NR2C2AP: variants seen among roughly 807,000 people sequenced by gnomAD.
The protein encoded by NR2C2AP is nuclear receptor 2C2 associated protein, also known as nuclear receptor 2C2-associated protein.
A neutral mutation model predicts 19.1 loss-of-function variants in NR2C2AP; 13 were observed. That is an observed-to-expected ratio of 0.68 (90% confidence interval 0.44 to 1.08). The LOEUF is 1.08. Among genes scored for constraint, NR2C2AP ranks in the 50% least tolerant of loss-of-function variants. The pLI is 0.00. For synonymous variants in NR2C2AP, 81 were observed against 64.4 expected, an observed-to-expected ratio of 1.26 and a Z score of -1.23; for missense variants, 181 against 172.7, an observed-to-expected ratio of 1.05 and a Z score of -0.27.
Position 19,201,915 on chromosome 19 carries a change from C to T in NR2C2AP, c.*10G>A. 6.2e-7 allele frequency: 1 copy of T among 1,614,104 alleles called. No individual in the cohort carries two copies. Among genetic ancestry groups the T allele is most frequent in the Non-Finnish European group, 8.5e-7 (1 of 1,180,026 alleles). On this transcript the variant is annotated 3_prime_UTR_variant, in exon 5 of 5. Coordinates refer to ENST00000331552, the MANE Select transcript of NR2C2AP (RefSeq NM_176880.6). ...GGAGGGCTTCCTGGAGGAGACAGCC[C>T]CTAGAGGTCTCACACCTTCTCCCCA...
rs1366556080 is a variant in NR2C2AP, at chr19:19,203,173, G to A, written c.-113C>T. On this transcript the variant is annotated 5_prime_UTR_variant, in exon 1 of 5. In the 5' UTR this introduces an upstream ATG that the reference lacks. Transcript: ENST00000331552. ...ATCTTGGCTACGCCTTGGCCTGAACGTCCTCACCTGTAACTTGGGACGAGA... is the reference window on the plus strand; with the variant it reads ...ATCTTGGCTACGCCTTGGCCTGAACATCCTCACCTGTAACTTGGGACGAGA... 3.9e-6 allele frequency: 4 copies of A among 1,038,500 alleles called. No individual in the cohort carries two copies. Among genetic ancestry groups the A allele is most frequent in the East Asian group, 5.2e-5 (2 of 38,708 alleles). 64.3% of individuals were successfully genotyped at this position (1,038,500 alleles called of 1,614,324 possible).
rs1245371861 is a variant in NR2C2AP, at chr19:19,202,285, C to G, written c.303+46G>C. On this transcript the variant is annotated intron_variant, in intron 4 of 4. Transcript: ENST00000331552. Reference sequence around the variant, plus strand: ...CATTCGGGTTTGGGTGAGTCCAAAGCTTCCAGAGGCACAGACCACCCACCC... The same window carrying G: ...CATTCGGGTTTGGGTGAGTCCAAAGGTTCCAGAGGCACAGACCACCCACCC... 4.4e-6 allele frequency: 7 copies of G among 1,588,252 alleles called. No homozygotes were observed. In the South Asian group the frequency reaches 7.7e-5, roughly 18 times the overall value.
At position 19,203,092 on chromosome 19, in the gene NR2C2AP, A is replaced by AT; in HGVS notation, c.-33dup. 6.2e-7 allele frequency: 1 copy of AT among 1,613,210 alleles called. No homozygotes were observed. The highest frequency in any genetic ancestry group is 8.5e-7 in the Non-Finnish European group (1 of 1,179,392). ...TCCACAAGACCTCGCAGGGCTTAGG[A>AT]TTGGGCACAGCCTTGGTTCGAATCC... On this transcript the variant is annotated 5_prime_UTR_variant, in exon 1 of 5. Coordinates refer to ENST00000331552, the MANE Select transcript of NR2C2AP (RefSeq NM_176880.6).
At position 19,203,022 on chromosome 19, in the gene NR2C2AP, C is replaced by G; in HGVS notation, c.38+1G>C. The G allele has an allele frequency of 2.5e-6, 4 of 1,614,126 alleles. No individual in the cohort carries two copies. The highest frequency in any genetic ancestry group is 3.4e-6 in the Non-Finnish European group (4 of 1,179,998). On this transcript the variant is annotated splice_donor_variant, in intron 1 of 4. Transcript: ENST00000331552. LOFTEE classifies it high-confidence loss of function. The stretch of plus-strand genomic sequence containing the variant: ...CACTGCCTGTCCCCACAGACTCTTA[C>G]CTGCTCACTGTCTCTGGACAAACCA...
At chr19:19,202,659 G>T in intron 2 of NR2C2AP, 84 bp from the exon 3 acceptor site, 1 of 1,410,574 alleles carries the variant, frequency 7.1e-7, no homozygotes, top group South Asian at 1.2e-5. Flanking sequence ...ATAGTTCTTG[G>T]AATGGAGGGG....
chr19:19,203,400 G>C lies in NR2C2AP; in HGVS notation c.-340C>G. ...CGAATAGCTCTTGGAGCCAAATCTT[G>C]GGACCCGGAACCGCGTGGGCTTGGC... is the stretch of plus-strand genomic sequence containing the variant. On this transcript the variant is annotated 5_prime_UTR_variant, in exon 1 of 5. Coordinates refer to ENST00000331552, the MANE Select transcript of NR2C2AP (RefSeq NM_176880.6). The C allele has an allele frequency of 2.4e-6, 1 of 418,284 alleles. No individual in the cohort carries two copies. Among genetic ancestry groups the C allele is most frequent in the Non-Finnish European group, 4.5e-6 (1 of 223,186 alleles). The allele number at this position is 418,284 out of a possible 1,614,324, so 25.9% of individuals were successfully genotyped here. A position where few individuals can be genotyped will look rare whatever the true frequency, so the allele number is the denominator to read the frequency against.
At chr19:19,202,233 G>A (rs778998570) in intron 4 of NR2C2AP, 98 bp downstream of exon 4, 16 of 1,280,752 alleles carry the variant, frequency 1.2e-5, no homozygotes, top group Middle Eastern at 1.9e-4. Context: ...TAGAGGTCAC[G>A]TGTTCAAGAT....
In NR2C2AP at chr19:19,203,386, T is replaced by C. The variant is rs1417235591; in HGVS notation, c.-326A>G. 9.0e-6 allele frequency: 4 copies of C among 445,152 alleles called. No individual in the cohort carries two copies. Among genetic ancestry groups the C allele is most frequent in the Admixed American group, 3.4e-5 (1 of 29,070 alleles). The allele number at this position is 445,152 out of a possible 1,614,324, so 27.6% of individuals were successfully genotyped here. A position where few individuals can be genotyped will look rare whatever the true frequency, so the allele number is the denominator to read the frequency against. ...AGGCTGTTTCTCTGCGAATAGCTCT[T>C]GGAGCCAAATCTTGGGACCCGGAAC... On this transcript the variant is annotated 5_prime_UTR_variant, in exon 1 of 5. Coordinates refer to ENST00000331552, the MANE Select transcript of NR2C2AP (RefSeq NM_176880.6).
Position 19,201,746 on chromosome 19 carries a change from T to A in NR2C2AP, c.*179A>T, listed in dbSNP as rs1288084878. 1 of 1,613,692 alleles carries A rather than the reference T, an allele frequency of 6.2e-7. No homozygotes were observed. The highest frequency in any genetic ancestry group is 8.5e-7 in the Non-Finnish European group (1 of 1,179,906). ...GGCCGCCTGCCGGGGACTCAGACAC[T>A]CAGGGAACAAAATGGTCAGCCAGAG... On this transcript the variant is annotated 3_prime_UTR_variant, in exon 5 of 5. Coordinates refer to ENST00000331552, the MANE Select transcript of NR2C2AP (RefSeq NM_176880.6).
Position 19,203,412 on chromosome 19 carries a change from C to G in NR2C2AP, c.-352G>C, listed in dbSNP as rs1012939798. ...GGAGCCAAATCTTGGGACCCGGAAC[C>G]GCGTGGGCTTGGCGCATGCGTGTTG... On this transcript the variant is annotated 5_prime_UTR_variant, in exon 1 of 5. Coordinates refer to ENST00000331552, the MANE Select transcript of NR2C2AP (RefSeq NM_176880.6). 1 of 392,630 alleles carries G rather than the reference C, an allele frequency of 2.5e-6. No homozygotes were observed. Among genetic ancestry groups the G allele is most frequent in the Non-Finnish European group, 4.8e-6 (1 of 207,156 alleles). The allele number at this position is 392,630 out of a possible 1,614,324, so 24.3% of individuals were successfully genotyped here. A position where few individuals can be genotyped will look rare whatever the true frequency, so the allele number is the denominator to read the frequency against.
In NR2C2AP at chr19:19,202,417, A is replaced by G. The variant is rs1300911609; in HGVS notation, c.236-19T>C. On this transcript the variant is annotated intron_variant, in intron 3 of 4. Coordinates refer to ENST00000331552, the MANE Select transcript of NR2C2AP (RefSeq NM_176880.6). ...TGTGAACCTTCAGCAGAGAAAGGCA[A>G]TGAGTGTCTGGGGTGACCCCTGGAA... 1.2e-6 allele frequency: 2 copies of G among 1,614,022 alleles called. No individual in the cohort carries two copies. The highest frequency in any genetic ancestry group is 1.7e-6 in the Non-Finnish European group (2 of 1,179,910).
At chr19:19,202,716 C>T (rs1568587515) in intron 2 of NR2C2AP, 75 bp downstream of exon 2, 7 of 1,469,262 alleles carry the variant, frequency 4.8e-6, no homozygotes, top group Non-Finnish European at 5.7e-6. Context: ...CCCATGAGGG[C>T]CCCCTGACGT....
chr19:19,202,267 G>T, intron 4 of NR2C2AP, 64 bp downstream of exon 4: 1 of 1,515,210 alleles, frequency 6.6e-7, no homozygotes, highest in Non-Finnish European at 9.2e-7. Flanking sequence ...TCCCATTCGG[G>T]TTTGGGTGAG....
Position 19,201,643 on chromosome 19 carries a change from T to G in NR2C2AP, c.*282A>C. 2.5e-6 allele frequency: 4 copies of G among 1,614,086 alleles called. No homozygotes were observed. The highest frequency in any genetic ancestry group is 3.4e-6 in the Non-Finnish European group (4 of 1,180,010). On this transcript the variant is annotated 3_prime_UTR_variant, in exon 5 of 5. Transcript: ENST00000331552. ...CACAGCCCACCTTTTCCCTGCCCCA[T>G]CTCAGTGCAACAGGTGATCGAGAAC...
At position 19,203,329 on chromosome 19, in the gene NR2C2AP, C is replaced by T. The variant is rs1460475937; in HGVS notation, c.-269G>A. On this transcript the variant is annotated 5_prime_UTR_variant, in exon 1 of 5. Coordinates refer to ENST00000331552, the MANE Select transcript of NR2C2AP (RefSeq NM_176880.6). ...GGCCTTTCACAGGAAACAGATTTCC[C>T]GCGGGTTTCGGGGGCGGTGGCTTTT... 3.6e-6 allele frequency: 2 copies of T among 554,478 alleles called. No homozygotes were observed. Among genetic ancestry groups the T allele is most frequent in the Non-Finnish European group, 6.5e-6 (2 of 307,958 alleles). The allele number at this position is 554,478 out of a possible 1,614,324, so 34.3% of individuals were successfully genotyped here.
chr19:19,202,238 C>T, intron 4 of NR2C2AP, 93 bp downstream of exon 4: 1 of 1,323,720 alleles, frequency 7.6e-7, no homozygotes, highest in Admixed American at 1.7e-5. Context: ...GTCACGTGTT[C>T]AAGATCACAC....
At position 19,201,912 on chromosome 19, in the gene NR2C2AP, GC is replaced by G. The variant is rs2060726178; in HGVS notation, c.*12del. On this transcript the variant is annotated 3_prime_UTR_variant, in exon 5 of 5. Transcript: ENST00000331552. ...CCCGGAGGGCTTCCTGGAGGAGACA[GC>G]CCCTAGAGGTCTCACACCTTCTCCC... 1.9e-6 allele frequency: 3 copies of G among 1,614,024 alleles called. No individual in the cohort carries two copies. Among genetic ancestry groups the G allele is most frequent in the Non-Finnish European group, 2.5e-6 (3 of 1,179,998 alleles).
rs2146522671 is a variant in NR2C2AP, at chr19:19,201,782, C to G, written c.*143G>C. 6.2e-7 allele frequency: 1 copy of G among 1,613,386 alleles called. No individual in the cohort carries two copies. The highest frequency in any genetic ancestry group is 8.5e-7 in the Non-Finnish European group (1 of 1,179,818). Reference sequence around the variant, plus strand: ...AATGGTCAGCCAGAGCTGGGGAAACCCAGAACTGACTTCAAAGGCAGCTTC... The same window carrying G: ...AATGGTCAGCCAGAGCTGGGGAAACGCAGAACTGACTTCAAAGGCAGCTTC... On this transcript the variant is annotated 3_prime_UTR_variant, in exon 5 of 5. Coordinates refer to ENST00000331552, the MANE Select transcript of NR2C2AP (RefSeq NM_176880.6).
chr19:19,201,623 CCCA>C lies in NR2C2AP; in HGVS notation c.*299_*301del. 1.2e-6 allele frequency: 2 copies of C among 1,613,908 alleles called. No individual in the cohort carries two copies. The highest frequency in any genetic ancestry group is 1.3e-5 in the African/African-American group (1 of 75,042). The stretch of plus-strand genomic sequence containing the variant: ...CCCCACTCCCGATTCAAGCTCACAG[CCCA>C]CCTTTTCCCTGCCCCATCTCAGTGC... On this transcript the variant is annotated 3_prime_UTR_variant, in exon 5 of 5. Transcript: ENST00000331552.
Sources: gnomAD v4.1 joint callset for allele counts on GRCh38, gnomAD v4.1.1 for gene constraint, MANE v1.5 for transcripts, NCBI Gene and HGNC (gene_info 2026-07-23, HGNC 2026-07-21) for gene names.